The following ZSWIM7 variants were observed in gnomAD, a reference collection of about 807,000 sequenced individuals.
The protein encoded by ZSWIM7 is zinc finger SWIM-type containing 7, also known as zinc finger SWIM domain-containing protein 7.
In ZSWIM7, 22 loss-of-function variants were observed where a neutral mutation model predicts 21.1. The observed-to-expected ratio is 1.04, with a 90% CI of 0.74 to 1.49. ZSWIM7 has a LOEUF of 1.49. ZSWIM7 is among the 40% of genes most tolerant of loss of function. ZSWIM7 has a pLI of 0.00. For missense variants in ZSWIM7, 193 were observed against 168.0 expected (o/e 1.15, Z -0.82); for synonymous variants, 67 against 66.5 (o/e 1.01, Z -0.04).
intron 1 of ZSWIM7, among the ~76,000 whole-genome samples, chr17:15,995,160 A>G (rs945499262): frequency 6.6e-6 from 1 of 152,212 alleles, no homozygotes; most frequent in Non-Finnish European, 1.5e-5. Context: ...TAAATTAAAA[A>G]TACATGGTAT....
At chr17:15,998,719 T>C (rs1053048784) in intron 1 of ZSWIM7, among the ~76,000 whole-genome samples, 6 of 151,962 alleles carry the variant, frequency 3.9e-5, no homozygotes, top group African/African-American at 1.2e-4. Context: ...ACTCCAACGA[T>C]TGCATATGCA....
intron 1 of ZSWIM7, chr17:15,999,273 C>G: frequency 1.6e-6 from 1 of 623,080 alleles, no homozygotes; most frequent in Non-Finnish European, 2.8e-6. Flanking sequence ...CTCGCTCCGA[C>G]GGAGGGGCTC....
In ZSWIM7 at chr17:15,991,904, G is replaced by GTT. The variant is rs1277836412; in HGVS notation, c.98+1851_98+1852dup. On this transcript the variant is annotated intron_variant, in intron 2 of 4. Coordinates refer to ENST00000399277, the MANE Select transcript of ZSWIM7 (RefSeq NM_001042697.2). ...AAACAGTCCTCCTGGGACAGGTTTT[G>GTT]TTTTTTTTTGTTTGTTTTGTTTTGT... Among the ~76,000 whole-genome samples, 24 of 90,666 alleles carry GTT rather than the reference G, an allele frequency of 2.6e-4. 4 individuals are homozygous for GTT. Among genetic ancestry groups the GTT allele is most frequent in the Non-Finnish European group, 2.0e-4 (9 of 44,170 alleles). 59.5% of individuals were successfully genotyped at this position (90,666 alleles called of 152,430 possible).
chr17:15,976,961 G>A lies in ZSWIM7; in HGVS notation c.*1086C>T, dbSNP rs1430354453. 6.6e-6 allele frequency: 1 copy of A among 151,320 alleles called. No homozygotes were observed. Among genetic ancestry groups the A allele is most frequent in the East Asian group, 1.9e-4 (1 of 5,144 alleles). The allele number at this position is 151,320 out of a possible 1,614,324, so 9.4% of individuals were successfully genotyped here. Reference sequence around the variant, plus strand: ...TTCTTTGCTCTCTCGGTGTCCAACTGAGTCTCATCGCTCTCCCTTCTAATA... The same window carrying A: ...TTCTTTGCTCTCTCGGTGTCCAACTAAGTCTCATCGCTCTCCCTTCTAATA... On this transcript the variant is annotated 3_prime_UTR_variant, in exon 5 of 5. Coordinates refer to ENST00000399277, the MANE Select transcript of ZSWIM7 (RefSeq NM_001042697.2).
At chr17:15,991,923 G>GT (rs1567571402) in intron 2 of ZSWIM7, among the ~76,000 whole-genome samples, 9 of 128,402 alleles carry the variant, frequency 7.0e-5, no homozygotes, top group Admixed American at 1.5e-4. Flanking sequence ...TGTTTGTTTT[G>GT]TTTTGTTTTG....
chr17:15,999,620 A>C lies in ZSWIM7; in HGVS notation c.-26T>G. 1 of 1,565,492 alleles carries C rather than the reference A, an allele frequency of 6.4e-7. No individual in the cohort carries two copies. The highest frequency in any genetic ancestry group is 1.2e-5 in the South Asian group (1 of 85,840). On this transcript the variant is annotated 5_prime_UTR_variant, in exon 1 of 5. Transcript: ENST00000399277. ...CGCGCCGCAGGACACGCCCTCCACG[A>C]CCGGCGGACCGCCGCGACGCTCCAG...
chr17:15,985,036 GGCTCAC>G (rs1970393199), intron 3 of ZSWIM7, among the ~76,000 whole-genome samples: 1 of 152,206 alleles, frequency 6.6e-6, no homozygotes, highest in South Asian at 2.1e-4. Flanking sequence ...CAGGAGTGCA[GGCTCAC>G]GCCTGTAATC....
chr17:15,981,089 G>C lies in ZSWIM7; in HGVS notation c.257C>G (p.Ser86Ter). 2 of 1,613,870 alleles carry C rather than the reference G, an allele frequency of 1.2e-6. No individual in the cohort carries two copies. Among genetic ancestry groups the C allele is most frequent in the South Asian group, 1.1e-5 (1 of 91,016 alleles). ...CACTGAGAATGCAAATGCAGGACAT[G>C]AACAGTAATGACAAGAAGCCAAACA... is the stretch of plus-strand genomic sequence containing the variant. Reference protein sequence around the residue: ...YTCLASCHYCSCPAFAFSVLR... With the variant: ...YTCLASCHYC The change falls in exon 4 of 5, where the codon TCA (serine) becomes TGA (stop). Residue 86 changes from serine (S) to a stop codon, truncating the protein, a stop_gained. Coordinates refer to ENST00000399277, the MANE Select transcript of ZSWIM7 (RefSeq NM_001042697.2). LOFTEE classifies it high-confidence loss of function.
chr17:15,985,229 A>T (rs186343937), intron 3 of ZSWIM7, among the ~76,000 whole-genome samples: 16 of 151,896 alleles, frequency 1.1e-4, no homozygotes, highest in Non-Finnish European at 2.2e-4. Flanking sequence ...ACTTGAACCC[A>T]GGAGGCAGAG....
chr17:15,991,936 T>G (rs923432444), intron 2 of ZSWIM7, among the ~76,000 whole-genome samples: 2 of 149,054 alleles, frequency 1.3e-5, no homozygotes, highest in African/African-American at 5.1e-5. Context: ...TTGTTTTGTT[T>G]TTTTTTTGAG....
At chr17:15,997,840 C>T (rs77265400) in intron 1 of ZSWIM7, among the ~76,000 whole-genome samples, 3 of 152,110 alleles carry the variant, frequency 2.0e-5, no homozygotes, top group East Asian at 1.9e-4. Context: ...CGGTGGCTCA[C>T]GCCTGTAATC....
chr17:15,986,976 A>G (rs920416354), intron 3 of ZSWIM7: 4 of 190,310 alleles, frequency 2.1e-5, no homozygotes, highest in Non-Finnish European at 1.1e-5. Context: ...CACCACAAAA[A>G]AAGAAGTATA....
At chr17:15,998,032 C>T (rs564774726) in intron 1 of ZSWIM7, among the ~76,000 whole-genome samples, 4 of 151,818 alleles carry the variant, frequency 2.6e-5, no homozygotes, top group East Asian at 1.9e-4. Context: ...ACTTGGGAAG[C>T]GGAGGTTGCA....
At chr17:15,989,450 G>A (rs781676230) in intron 2 of ZSWIM7, among the ~76,000 whole-genome samples, 2 of 151,922 alleles carry the variant, frequency 1.3e-5, no homozygotes, top group Non-Finnish European at 2.9e-5. Flanking sequence ...CTGAGTAGCT[G>A]GGATTATAGG....
chr17:15,984,503 TTTCTACTGTGG>T (rs1049121735), intron 3 of ZSWIM7, among the ~76,000 whole-genome samples: 5 of 152,198 alleles, frequency 3.3e-5, no homozygotes, highest in Admixed American at 2.0e-4. Flanking sequence ...TTGGAGGTGG[TTTCTACTGTGG>T]TTCTACTGTG....
In ZSWIM7 at chr17:15,993,835, T is replaced by C; in HGVS notation, c.77-57A>G. ...TCATATTAAGCAGTGACCATTGACA[T>C]AAAAATCTTAAAAAACACTGTAACT... On this transcript the variant is annotated intron_variant, in intron 1 of 4. Transcript: ENST00000399277. 3 of 1,314,796 alleles carry C rather than the reference T, an allele frequency of 2.3e-6. No individual in the cohort carries two copies. In the South Asian group the frequency reaches 3.8e-5, roughly 16 times the overall value. 81.4% of individuals were successfully genotyped at this position (1,314,796 alleles called of 1,614,324 possible). A position where few individuals can be genotyped will look rare whatever the true frequency, so the allele number is the denominator to read the frequency against.
At chr17:15,995,587 A>G (rs902586530) in intron 1 of ZSWIM7, among the ~76,000 whole-genome samples, 4 of 150,144 alleles carry the variant, frequency 2.7e-5, no homozygotes, top group African/African-American at 7.5e-5. Flanking sequence ...AAAAAAAAAA[A>G]AAAAAAAAAA....
rs145528761 is a variant in ZSWIM7, at chr17:15,987,582, T to C, written c.99-214A>G. Among the ~76,000 whole-genome samples the C allele has an allele frequency of 4.6e-3, 703 of 152,126 alleles. 6 individuals are homozygous for C. Among genetic ancestry groups the C allele is most frequent in the African/African-American group, 0.016 (669 of 41,532 alleles). ...TTCAGATCTTCTTGTATTATGTATA[T>C]ATGTGTGTGTGTATATATATTTATT... On this transcript the variant is annotated intron_variant, in intron 2 of 4. Transcript: ENST00000399277.
At chr17:15,982,849 T>C (rs1465104852) in intron 3 of ZSWIM7, among the ~76,000 whole-genome samples, 1 of 151,974 alleles carries the variant, frequency 6.6e-6, no homozygotes, top group Non-Finnish European at 1.5e-5. Flanking sequence ...GATGGGGTCT[T>C]GCTATGTTGT....
Sources: gnomAD v4.1 joint callset for allele counts (sites outside exome capture counted in the v4.1 genomes callset) on GRCh38, gnomAD v4.1.1 for gene constraint, MANE v1.5 for transcripts, NCBI Gene and HGNC (gene_info 2026-07-23, HGNC 2026-07-21) for gene names.